CCDC68: variants seen among roughly 807,000 people sequenced by gnomAD.
CCDC68 encodes the protein coiled-coil domain containing 68.
CCDC68 carries 45 observed loss-of-function variants against 47.1 expected under a neutral mutation model. The observed-to-expected ratio is 0.96, with a 90% CI of 0.75 to 1.23. The LOEUF (loss-of-function observed/expected upper bound fraction) is 1.23. Among genes scored for constraint, CCDC68 ranks in the 50% most tolerant of loss-of-function variants. The pLI, the probability that CCDC68 is intolerant of heterozygous loss-of-function variation, is 0.00. For missense variants in CCDC68, 353 were observed against 373.6 expected, an observed-to-expected ratio of 0.94 and a Z score of 0.45; for synonymous variants, 131 against 129.5, an observed-to-expected ratio of 1.01 and a Z score of -0.08.
chr18:54,937,028 G>A, intron 5 of CCDC68, 70 bp from the exon 6 acceptor site: 1 of 1,483,034 alleles, frequency 6.7e-7, no homozygotes, highest in Non-Finnish European at 9.4e-7. Context: ...ACAGTTTGAT[G>A]GGCAATTAAG....
Position 54,903,974 on chromosome 18 carries a change from C to T in CCDC68, c.*384G>A, listed in dbSNP as rs1054914174. ...CAGGAAATGTATGTTCATTCATACACATATACACTCTCCCTTCTATTTATA... is the reference window on the plus strand; with the variant it reads ...CAGGAAATGTATGTTCATTCATACATATATACACTCTCCCTTCTATTTATA... On this transcript the variant is annotated 3_prime_UTR_variant, in exon 12 of 12. Transcript: ENST00000591504. The T allele has an allele frequency of 2.2e-4, 41 of 186,350 alleles. No homozygotes were observed. The highest frequency in any genetic ancestry group is 5.6e-5 in the Non-Finnish European group (5 of 90,018). 11.5% of individuals were successfully genotyped at this position (186,350 alleles called of 1,614,324 possible).
At chr18:54,947,082 G>A (rs532575606) in intron 1 of CCDC68, among the ~76,000 whole-genome samples, 11 of 152,258 alleles carry the variant, frequency 7.2e-5, no homozygotes, top group South Asian at 2.1e-4. Flanking sequence ...AACATAAGCC[G>A]GCGAAGTCCA....
intron 7 of CCDC68, among the ~76,000 whole-genome samples, chr18:54,930,554 T>C (rs1343823779): frequency 2.0e-5 from 3 of 151,772 alleles, no homozygotes; most frequent in Non-Finnish European, 2.9e-5. Context: ...CCTAGCTGTG[T>C]TCAAATTATT....
intron 6 of CCDC68, among the ~76,000 whole-genome samples, 173 bp downstream of exon 6, chr18:54,936,660 T>G (rs2044354066): frequency 6.6e-6 from 1 of 152,194 alleles, no homozygotes; most frequent in Non-Finnish European, 1.5e-5. Context: ...GGTGTCCGGC[T>G]AAGCAGGGGT....
rs553941242 is a variant in CCDC68 at position 54,935,739 on chromosome 18, G to C, written c.472-791C>G. Among the ~76,000 whole-genome samples the C allele has an allele frequency of 3.6e-4, 55 of 152,296 alleles. No individual in the cohort carries two copies. In the South Asian group the frequency reaches 0.011, roughly 31 times the overall value. On this transcript the variant is annotated intron_variant, in intron 6 of 11. Transcript: ENST00000591504. Reference sequence around the variant, plus strand: ...CTACCACAGCCTGATGCATGAAAGGGTGTCACCTAGGCAGTGAATTTCCTA... The same window carrying C: ...CTACCACAGCCTGATGCATGAAAGGCTGTCACCTAGGCAGTGAATTTCCTA...
chr18:54,951,216 T>A (rs927422690), intron 1 of CCDC68, among the ~76,000 whole-genome samples: 7 of 152,202 alleles, frequency 4.6e-5, no homozygotes, highest in African/African-American at 1.4e-4. Context: ...CCCAGATGTC[T>A]TTTTAATGAA....
At chr18:54,919,911 T>C (rs1253063885) in intron 8 of CCDC68, among the ~76,000 whole-genome samples, 1 of 152,220 alleles carries the variant, frequency 6.6e-6, no homozygotes, top group Non-Finnish European at 1.5e-5. Context: ...GTAATTCTAC[T>C]ATCATTCCAT....
At position 54,903,434 on chromosome 18, in the gene CCDC68, T is replaced by C. The variant is rs1913795865; in HGVS notation, c.*924A>G. The C allele has an allele frequency of 6.6e-6, 1 of 152,204 alleles. No individual in the cohort carries two copies. Among genetic ancestry groups the C allele is most frequent in the African/African-American group, 2.4e-5 (1 of 41,456 alleles). The allele number at this position is 152,204 out of a possible 1,614,324, so 9.4% of individuals were successfully genotyped here. ...TAAGCAAACTTTCACAAATACACTA[T>C]ATATATCTTTCCAATTCATAAATTC... On this transcript the variant is annotated 3_prime_UTR_variant, in exon 12 of 12. Coordinates refer to ENST00000591504, the MANE Select transcript of CCDC68 (RefSeq NM_025214.3).
chr18:54,942,032 A>G (rs1318966078), intron 3 of CCDC68, among the ~76,000 whole-genome samples: 1 of 152,156 alleles, frequency 6.6e-6, no homozygotes, highest in Non-Finnish European at 1.5e-5. Flanking sequence ...TCCTGACCTC[A>G]GGTGATCCAC....
Position 54,921,649 on chromosome 18 carries a change from A to G in CCDC68, c.684-2273T>C, listed in dbSNP as rs149250132. Among the ~76,000 whole-genome samples, 832 of 152,372 alleles carry G rather than the reference A, an allele frequency of 5.5e-3. 2 individuals are homozygous for G. The highest frequency in any genetic ancestry group is 8.5e-3 in the Non-Finnish European group (575 of 68,036). ...TGACGGGGGAACAAGAACACGCGTC[A>G]AGCGTGCTACTCTGTTTTAGATGAT... is the stretch of plus-strand genomic sequence containing the variant. On this transcript the variant is annotated intron_variant, in intron 8 of 11. Coordinates refer to ENST00000591504, the MANE Select transcript of CCDC68 (RefSeq NM_025214.3).
chr18:54,909,458 C>CA (rs1914220371), intron 10 of CCDC68, among the ~76,000 whole-genome samples: 1 of 149,474 alleles, frequency 6.7e-6, no homozygotes, highest in African/African-American at 2.5e-5. Flanking sequence ...CTCAGTGTTA[C>CA]AAGGTGTCAT....
At chr18:54,907,894 A>G in intron 10 of CCDC68, 32 bp from the exon 11 acceptor site, 1 of 1,211,910 alleles carries the variant, frequency 8.3e-7, no homozygotes. Flanking sequence ...GACGTCAAAT[A>G]GCTAACACAT....
At chr18:54,918,698 G>A (rs2043998732) in intron 9 of CCDC68, among the ~76,000 whole-genome samples, 1 of 152,114 alleles carries the variant, frequency 6.6e-6, no homozygotes, top group Non-Finnish European at 1.5e-5. Context: ...ACTTGTATTT[G>A]GCAGTAAAGT....
In CCDC68 at chr18:54,902,173, C is replaced by T. The variant is rs1052834443; in HGVS notation, c.*2185G>A. ...AGATCTCTTTCACTGTCATAATTTC[C>T]TCACTGTTATCATTTTTGCATAGGT... On this transcript the variant is annotated 3_prime_UTR_variant, in exon 12 of 12. Transcript: ENST00000591504. 1.3e-5 allele frequency: 2 copies of T among 152,140 alleles called. No individual in the cohort carries two copies. Among genetic ancestry groups the T allele is most frequent in the African/African-American group, 4.8e-5 (2 of 41,428 alleles). The allele number at this position is 152,140 out of a possible 1,614,324, so 9.4% of individuals were successfully genotyped here. A position where few individuals can be genotyped will look rare whatever the true frequency, so the allele number is the denominator to read the frequency against.
chr18:54,935,354 T>G (rs1187755383), intron 6 of CCDC68, among the ~76,000 whole-genome samples: 2 of 152,046 alleles, frequency 1.3e-5, no homozygotes, highest in African/African-American at 4.8e-5. Context: ...GAATAACTCC[T>G]CAGTGTGTCA....
chr18:54,928,795 C>T lies in CCDC68; in HGVS notation c.683+5G>A, dbSNP rs1272693148. ...TGCCTTTACTTAACAGGTAGCTTCACAAACCTTTTTCCATATGTAGCACTG... is the reference window on the plus strand; with the variant it reads ...TGCCTTTACTTAACAGGTAGCTTCATAAACCTTTTTCCATATGTAGCACTG... On this transcript the variant is annotated splice_donor_5th_base_variant and intron_variant, in intron 8 of 11. Transcript: ENST00000591504. 1 of 1,603,322 alleles carries T rather than the reference C, an allele frequency of 6.2e-7. No individual in the cohort carries two copies. Among genetic ancestry groups the T allele is most frequent in the East Asian group, 2.2e-5 (1 of 44,788 alleles).
intron 1 of CCDC68, among the ~76,000 whole-genome samples, chr18:54,957,379 C>T (rs2145682903): frequency 6.6e-6 from 1 of 152,284 alleles, no homozygotes; most frequent in Admixed American, 6.5e-5. Flanking sequence ...TTTATGTGGT[C>T]TGTAAATCTA....
Position 54,919,376 on chromosome 18 carries a change from A to T in CCDC68, c.684T>A (p.Ser228Arg). Residue 228 changes from serine (S) to arginine (R), a missense_variant and splice_region_variant, in exon 9 of 12, where the codon AGT becomes AGA. By Grantham distance (110) the Ser-to-Arg change is moderately radical (BLOSUM62 -1). Transcript: ENST00000591504. ...AAATCTCCCTCTGAAGATCCTGGCA[A>T]CTGGGAATGCAAAGGGAAAAAGACC... The part of the protein sequence containing the change: ...QLKSSATYGK[S>R]CQDLQREISI... 1 of 1,609,330 alleles carries T rather than the reference A, an allele frequency of 6.2e-7. No homozygotes were observed. The highest frequency in any genetic ancestry group is 8.5e-7 in the Non-Finnish European group (1 of 1,175,706).
chr18:54,924,771 C>T (rs1369097462), intron 8 of CCDC68, among the ~76,000 whole-genome samples: 1 of 152,204 alleles, frequency 6.6e-6, no homozygotes, highest in Non-Finnish European at 1.5e-5. Flanking sequence ...TGAAAAGAAA[C>T]TGAGTTCATG....
Sources: gnomAD v4.1 joint callset for allele counts (sites outside exome capture counted in the v4.1 genomes callset) on GRCh38, gnomAD v4.1.1 for gene constraint, MANE v1.5 for transcripts, NCBI Gene and HGNC (gene_info 2026-07-23, HGNC 2026-07-21) for gene names.